RNF19A: variants seen among roughly 807,000 people sequenced by gnomAD.
RNF19A encodes ring finger protein 19A, RBR E3 ubiquitin protein ligase, also known as E3 ubiquitin-protein ligase RNF19A.
Under a neutral mutation model 75.7 loss-of-function variants are expected in RNF19A, and 32 were observed. That is an observed-to-expected ratio of 0.42 (90% confidence interval 0.32 to 0.57). RNF19A has a LOEUF of 0.57. Among genes scored for constraint, RNF19A ranks in the 20% least tolerant of loss-of-function variants. RNF19A has a pLI of 0.10. For missense variants in RNF19A, 782 were observed against 1,036.3 expected, an observed-to-expected ratio of 0.75 and a Z score of 3.37; for synonymous variants, 335 against 345.2, an observed-to-expected ratio of 0.97 and a Z score of 0.33.
intron 1 of RNF19A, among the ~76,000 whole-genome samples, chr8:100,308,936 G>A (rs766561269): frequency 5.3e-5 from 8 of 152,148 alleles, no homozygotes; most frequent in Non-Finnish European, 1.2e-4. Context: ...ATATCTCCAA[G>A]GGTCAATGGG....
intron 3 of RNF19A, among the ~76,000 whole-genome samples, chr8:100,271,095 T>G (rs1820233271): frequency 6.6e-6 from 1 of 152,106 alleles, no homozygotes; most frequent in East Asian, 1.9e-4. Flanking sequence ...TGGTCAAACT[T>G]TACCTGTGCT....
In RNF19A at chr8:100,322,463, T is replaced by C. The variant is rs1822477181; in HGVS notation, c.-242-9091A>G. ...TTAGGGCCTTGCCCTGGATTAGGCT[T>C]TGGCTTAAGGTTTAATCTTCTATTC... On this transcript the variant is annotated intron_variant, in intron 1 of 3. Coordinates refer to the RNF19A transcript ENST00000519527. This position sits in a 1 kb window ranked among gnomAD's most constrained non-coding sequence, Gnocchi z 5.1. Among the ~76,000 whole-genome samples, 1 of 152,262 alleles carries C rather than the reference T, an allele frequency of 6.6e-6. No individual in the cohort carries two copies. Among genetic ancestry groups the C allele is most frequent in the South Asian group, 2.1e-4 (1 of 4,838 alleles).
At chr8:100,270,193 T>TAC (rs1010771825) in intron 3 of RNF19A, among the ~76,000 whole-genome samples, 180 bp from the exon 4 acceptor site, 1 of 152,182 alleles carries the variant, frequency 6.6e-6, no homozygotes, top group South Asian at 2.1e-4. Flanking sequence ...AAACATACTT[T>TAC]ACATTAAAAT....
At position 100,264,160 on chromosome 8, in the gene RNF19A, C is replaced by G; in HGVS notation, c.1342G>C (p.Gly448Arg). 1 of 1,613,540 alleles carries G rather than the reference C, an allele frequency of 6.2e-7. No individual in the cohort carries two copies. The highest frequency in any genetic ancestry group is 8.5e-7 in the Non-Finnish European group (1 of 1,179,666). Residue 448 changes from glycine (G) to arginine (R), a missense_variant, in exon 7 of 10, where the codon GGC (glycine) becomes CGC (arginine). Gly to Arg is a moderately radical substitution (Grantham distance 125, BLOSUM62 -2). This residue lies in a region of RNF19A where 442 missense variants were observed against 541.6 expected (regional missense o/e 0.82). Coordinates refer to ENST00000341084, the MANE Select transcript of RNF19A (RefSeq NM_183419.4). The surrounding 1 kb of genome is among the most constrained non-coding windows in gnomAD (Gnocchi z 4.7). The stretch of plus-strand genomic sequence containing the variant: ...CGACAAAGAGAAATTGGAACTACGC[C>G]ATAGACATAAGCTAACATAATAGGA... ...GVPIMLAYVY[G>R]VVPISLCRSG...
chr8:100,319,021 C>A lies in RNF19A; in HGVS notation c.-242-5649G>T, dbSNP rs144412268. The stretch of plus-strand genomic sequence containing the variant: ...GTGAGAGGTTGTAGGGACTGGCACC[C>A]TGTGGTTTGCAGCTAATGTAAAGCT... On this transcript the variant is annotated intron_variant, in intron 1 of 3. Transcript: ENST00000519527. Among the ~76,000 whole-genome samples the A allele has an allele frequency of 2.0e-5, 3 of 152,324 alleles. No individual in the cohort carries two copies. In the East Asian group the frequency reaches 5.8e-4, roughly 29 times the overall value.
chr8:100,287,913 C>T lies in RNF19A; in HGVS notation c.262G>A (p.Val88Met). 1 of 1,614,166 alleles carries T rather than the reference C, an allele frequency of 6.2e-7. No individual in the cohort carries two copies. Among genetic ancestry groups the T allele is most frequent in the Non-Finnish European group, 8.5e-7 (1 of 1,180,018 alleles). ...KRKSRELNGG[V>M]DGIASIESIH... ...CTTTCAATACTTGCAATTCCATCCACCCCGCCATTTAGCTCCCTTGATTTA... is the reference window on the plus strand; with the variant it reads ...CTTTCAATACTTGCAATTCCATCCATCCCGCCATTTAGCTCCCTTGATTTA... The change falls in exon 2 of 10, where the codon GTG (valine) becomes ATG (methionine). Residue 88 changes from valine (V) to methionine (M), a missense_variant. Val to Met is a conservative substitution (Grantham distance 21). Coordinates refer to ENST00000341084, the MANE Select transcript of RNF19A (RefSeq NM_183419.4). The surrounding 1 kb of genome is among the most constrained non-coding windows in gnomAD (Gnocchi z 4.1).
Position 100,317,742 on chromosome 8 carries a change from A to C in RNF19A, c.-242-4370T>G, listed in dbSNP as rs1332373550. ...GTTGGCTCACGAGGTCTAGAGTGGC[A>C]GGATGCACTGGGGCAGGATGTCAGC... On this transcript the variant is annotated intron_variant, in intron 1 of 3. Coordinates refer to the RNF19A transcript ENST00000519527. The surrounding 1 kb of genome is among the most constrained non-coding windows in gnomAD (Gnocchi z 4.3). 2.6e-5 allele frequency among the ~76,000 whole-genome samples: 4 copies of C among 152,224 alleles called. No individual in the cohort carries two copies. Among genetic ancestry groups the C allele is most frequent in the African/African-American group, 9.6e-5 (4 of 41,456 alleles).
rs148525571 is a variant in RNF19A, at chr8:100,330,015, G to A, written c.-243+6093C>T. The stretch of plus-strand genomic sequence containing the variant: ...GGGATCCTAATTTGTTTTTTTGTGG[G>A]GGAGGCAGTGGGAGGAGGCTTATAG... On this transcript the variant is annotated intron_variant, in intron 1 of 3. Coordinates refer to the RNF19A transcript ENST00000519527. This position sits in a 1 kb window ranked among gnomAD's most constrained non-coding sequence, Gnocchi z 4.1. 1.3e-5 allele frequency among the ~76,000 whole-genome samples: 2 copies of A among 152,130 alleles called. No homozygotes were observed. Among genetic ancestry groups the A allele is most frequent in the East Asian group, 3.9e-4 (2 of 5,182 alleles).
Position 100,317,621 on chromosome 8 carries a change from G to C in RNF19A, c.-242-4249C>G, listed in dbSNP as rs1184957142. 3.3e-5 allele frequency among the ~76,000 whole-genome samples: 5 copies of C among 152,160 alleles called. No homozygotes were observed. Among genetic ancestry groups the C allele is most frequent in the African/African-American group, 1.2e-4 (5 of 41,440 alleles). On this transcript the variant is annotated intron_variant, in intron 1 of 3. Coordinates refer to the RNF19A transcript ENST00000519527. The surrounding 1 kb of genome is among the most constrained non-coding windows in gnomAD (Gnocchi z 4.3). ...CCCTTCCCTGTTTGACTGACTCACA[G>C]GCAAGCCCACACTGTGCTGGTGACC...
intron 3 of RNF19A, 149 bp from the exon 4 acceptor site, chr8:100,270,162 AT>A (rs1234440020): frequency 7.9e-5 from 41 of 516,662 alleles, no homozygotes; most frequent in Admixed American, 2.0e-4. Context: ...TATATAAAGC[AT>A]TTTTTCTTCC....
intron 1 of RNF19A, among the ~76,000 whole-genome samples, chr8:100,321,236 A>G (rs1267391775): frequency 1.3e-5 from 2 of 152,234 alleles, no homozygotes; most frequent in East Asian, 1.9e-4. Flanking sequence ...ATTGGAATCA[A>G]TCCTCTCAAA....
chr8:100,298,915 C>T (rs945225935), intron 1 of RNF19A, among the ~76,000 whole-genome samples: 2 of 152,128 alleles, frequency 1.3e-5, no homozygotes, highest in African/African-American at 2.4e-5. Context: ...GAAAGCAGAG[C>T]GCAAAATGCC....
intron 1 of RNF19A, among the ~76,000 whole-genome samples, chr8:100,301,070 A>C (rs150845822): frequency 2.0e-5 from 3 of 152,334 alleles, no homozygotes; most frequent in African/African-American, 7.2e-5. Flanking sequence ...AGTAGGTTCG[A>C]TGTATCACCA....
chr8:100,277,419 C>G (rs867000537), intron 2 of RNF19A, among the ~76,000 whole-genome samples: 2 of 152,042 alleles, frequency 1.3e-5, no homozygotes, highest in African/African-American at 2.4e-5. Flanking sequence ...TCAAGCTATT[C>G]TCCTGCCTCA....
chr8:100,311,620 A>T (rs1294325995), upstream of RNF19A, among the ~76,000 whole-genome samples: 3 of 147,576 alleles, frequency 2.0e-5, no homozygotes, highest in Admixed American at 6.9e-5. Flanking sequence ...CGGGAGGCTG[A>T]GGCAGGAGGA....
chr8:100,299,855 A>G (rs1439957784), intron 1 of RNF19A, among the ~76,000 whole-genome samples: 5 of 152,226 alleles, frequency 3.3e-5, no homozygotes, highest in East Asian at 1.9e-4. Flanking sequence ...CAAATTATTG[A>G]TAACAGTAGC....
rs1477731688 is a variant in RNF19A at position 100,333,045 on chromosome 8, C to G, written c.-243+3063G>C. 6.6e-6 allele frequency among the ~76,000 whole-genome samples: 1 copy of G among 151,890 alleles called. No individual in the cohort carries two copies. The highest frequency in any genetic ancestry group is 1.9e-4 in the East Asian group (1 of 5,194). ...TTTCACCCTCAGTATATTGCTAACT[C>G]TTAAAATTTGTTCCTTCTTACCATT... On this transcript the variant is annotated intron_variant, in intron 1 of 3. Coordinates refer to the RNF19A transcript ENST00000519527. The surrounding 1 kb of genome is among the most constrained non-coding windows in gnomAD (Gnocchi z 4.7).
chr8:100,302,479 T>C (rs1045630976), intron 1 of RNF19A, among the ~76,000 whole-genome samples: 14 of 152,348 alleles, frequency 9.2e-5, no homozygotes, highest in African/African-American at 3.4e-4. Context: ...TAGACATTTA[T>C]ACTTGAGATA....
chr8:100,271,516 G>C (rs1235497603), intron 3 of RNF19A, among the ~76,000 whole-genome samples: 1 of 152,146 alleles, frequency 6.6e-6, no homozygotes, highest in Non-Finnish European at 1.5e-5. Flanking sequence ...CAACAAGACA[G>C]GGGAGTAAAA....
Sources: allele counts gnomAD v4.1 joint callset (sites outside exome capture counted in the v4.1 genomes callset), GRCh38; gene constraint gnomAD v4.1.1; regional missense constraint gnomAD v4.1.1; non-coding constraint Gnocchi (gnomAD v3.1); transcripts MANE v1.5; gene names NCBI Gene and HGNC (gene_info 2026-07-23, HGNC 2026-07-21).